Variants in MTCL1 observed in about 807,000 individuals in gnomAD.
MTCL1 encodes the protein microtubule cross-linking factor 1.
Under a neutral mutation model 141.4 loss-of-function variants are expected in MTCL1, and 79 were observed. That is an observed-to-expected ratio of 0.56 (90% CI 0.47 to 0.67). The LOEUF (loss-of-function observed/expected upper bound fraction) is 0.67. Ranked by LOEUF, MTCL1 falls within the 30% of genes least tolerant of loss-of-function variation. MTCL1 has a pLI of 0.00. For missense variants in MTCL1, 2,177 were observed against 2,113.9 expected (o/e 1.03, Z -0.59); for synonymous variants, 914 against 875.8 (o/e 1.04, Z -0.77).
intron 4 of MTCL1, among the ~76,000 whole-genome samples, chr18:8,758,701 G>T (rs769829069): frequency 6.6e-6 from 1 of 152,126 alleles, no homozygotes; most frequent in Non-Finnish European, 1.5e-5. Flanking sequence ...ATATTTGGGC[G>T]CTTTCTCATC....
intron 12 of MTCL1, among the ~76,000 whole-genome samples, chr18:8,816,518 G>A (rs1306270839): frequency 1.3e-5 from 2 of 152,132 alleles, no homozygotes; most frequent in East Asian, 3.9e-4. Context: ...TGCGGGGTGG[G>A]GGTAGGAGAC....
At chr18:8,705,603 CCGCCGCCGT>C (rs1567913360), upstream of MTCL1, 2 of 1,206,574 alleles carry the variant, frequency 1.7e-6, no homozygotes, top group African/African-American at 1.6e-5. The surrounding 1 kb of genome is among the most constrained non-coding windows in gnomAD (Gnocchi z 5.2). Context: ...GCCGCCGCCG[CCGCCGCCGT>C]CGTCGTCCGG....
chr18:8,742,516 C>T (rs1254000048), intron 4 of MTCL1, among the ~76,000 whole-genome samples: 1 of 152,108 alleles, frequency 6.6e-6, no homozygotes, highest in Non-Finnish European at 1.5e-5. Context: ...AGGGGGAAGC[C>T]CCTTATAAAA....
intron 9 of MTCL1, 134 bp downstream of exon 8, chr18:8,796,596 T>C: frequency 2.1e-6 from 2 of 936,956 alleles, no homozygotes; most frequent in South Asian, 3.5e-5. Flanking sequence ...ACATCTAATA[T>C]TGCAAAAAAG....
Position 8,810,212 on chromosome 18 carries a change from A to C in MTCL1, c.2605-2767A>C, listed in dbSNP as rs1293830487. 6.5e-6 allele frequency: 1 copy of C among 152,992 alleles called. No homozygotes were observed. Among genetic ancestry groups the C allele is most frequent in the Non-Finnish European group, 1.5e-5 (1 of 68,612 alleles). The allele number at this position is 152,992 out of a possible 1,614,324, so 9.5% of individuals were successfully genotyped here. Reference sequence around the variant, plus strand: ...AGTTGCCGTCAGGTGTGCGGGGCTGAAGGACTGTGCGCTGTGCCGAGGGAC... The same window carrying C: ...AGTTGCCGTCAGGTGTGCGGGGCTGCAGGACTGTGCGCTGTGCCGAGGGAC... On this transcript the variant is annotated intron_variant, in intron 11 of 16. Coordinates refer to ENST00000359865, the Ensembl canonical transcript of MTCL1. This position sits in a 1 kb window ranked among gnomAD's most constrained non-coding sequence, Gnocchi z 5.0.
At chr18:8,805,263 C>T (rs1386610780) in intron 10 of MTCL1, among the ~76,000 whole-genome samples, 1 of 152,112 alleles carries the variant, frequency 6.6e-6, no homozygotes, top group African/African-American at 2.4e-5. Context: ...CCCCTCTCCT[C>T]GCAACCCCTT....
chr18:8,766,290 G>A (rs980224343), intron 4 of MTCL1, among the ~76,000 whole-genome samples: 1 of 147,038 alleles, frequency 6.8e-6, no homozygotes, highest in Non-Finnish European at 1.5e-5. Flanking sequence ...TGTAGCGCCT[G>A]TTGTGTGAGC....
chr18:8,788,813 A>G (rs1043193246), intron 7 of MTCL1, among the ~76,000 whole-genome samples: 6 of 152,204 alleles, frequency 3.9e-5, no homozygotes, highest in African/African-American at 4.8e-5. Flanking sequence ...TGACACATCA[A>G]TGCAACCACG....
intron 4 of MTCL1, among the ~76,000 whole-genome samples, chr18:8,752,783 C>T (rs544092248): frequency 5.3e-5 from 8 of 152,268 alleles, no homozygotes; most frequent in African/African-American, 1.9e-4. Flanking sequence ...TTGCTGGGTG[C>T]GTAGGCTATT....
intron 15 of MTCL1, 115 bp downstream of exon 14, chr18:8,826,347 T>A (rs1415492439): frequency 1.9e-6 from 2 of 1,058,090 alleles, no homozygotes; most frequent in Non-Finnish European, 2.7e-6. Flanking sequence ...CGTCCATGAT[T>A]GGTTATTGGG....
intron 6 of MTCL1, chr18:8,785,667 C>T (rs1053370595): frequency 2.1e-6 from 1 of 467,578 alleles, no homozygotes; most frequent in Non-Finnish European, 3.8e-6. Context: ...TTTGCACCCC[C>T]ACTTTCTCTT....
rs57595836 is a variant in MTCL1 at position 8,750,594 on chromosome 18, G to A, written c.358-27239G>A. On this transcript the variant is annotated intron_variant, in intron 4 of 16. Coordinates refer to ENST00000359865, the Ensembl canonical transcript of MTCL1. ...CTAATCAGATGGAGGGCAGGGAGGA[G>A]GTGTTGAATGCTACCAGTTCTTCCT... 3.9e-3 allele frequency among the ~76,000 whole-genome samples: 588 copies of A among 152,302 alleles called. 3 individuals carry two copies. The highest frequency in any genetic ancestry group is 0.013 in the African/African-American group (556 of 41,566).
chr18:8,799,286 G>A (rs2076035585), intron 10 of MTCL1, among the ~76,000 whole-genome samples: 1 of 152,242 alleles, frequency 6.6e-6, no homozygotes, highest in South Asian at 2.1e-4. Context: ...AGATCCAGAT[G>A]AGGACAGGCG....
chr18:8,785,169 G>A (rs117068122), intron 6 of MTCL1, among the ~76,000 whole-genome samples: 4,818 of 152,200 alleles, frequency 0.032, 101 homozygotes, highest in Admixed American at 0.069. Context: ...GACGCATGCC[G>A]GCCTTGCTCC....
chr18:8,799,637 TA>T (rs1251315580), intron 10 of MTCL1, among the ~76,000 whole-genome samples: 1 of 152,196 alleles, frequency 6.6e-6, no homozygotes, highest in Non-Finnish European at 1.5e-5. Flanking sequence ...TTCAATCCCA[TA>T]AAGCATCTGT....
chr18:8,797,386 C>A (rs621273), intron 9 of MTCL1, among the ~76,000 whole-genome samples: 113,762 of 152,138 alleles, frequency 0.75, 43,219 homozygotes, highest in Admixed American at 0.85. Context: ...GAAACAGAAG[C>A]GAGATCTTTG....
exon 13 of MTCL1, chr18:8,819,170 C>T (rs1285703238): frequency 6.2e-7 from 1 of 1,614,116 alleles, no homozygotes; most frequent in African/African-American, 1.3e-5. Context: ...CAGTGAGAAT[C>T]TCTACCTGGA....
rs575692224 is a variant in MTCL1 at position 8,826,595 on chromosome 18, G to T, written c.4722+363G>T. ...CATGTACAAACTATGGGATAGTTGT[G>T]TCAGGCTTGCTGCATACTGCAGACC... On this transcript the variant is annotated intron_variant, in intron 15 of 16. Coordinates refer to ENST00000359865, the Ensembl canonical transcript of MTCL1. Among the ~76,000 whole-genome samples the T allele has an allele frequency of 4.6e-5, 7 of 152,310 alleles. No homozygotes were observed. In the South Asian group the frequency reaches 1.2e-3, roughly 27 times the overall value.
At position 8,725,783 on chromosome 18, in the gene MTCL1, TTTTTTTC is replaced by T. The variant is rs1452549586; in HGVS notation, c.357+5294_357+5300del. Among the ~76,000 whole-genome samples the T allele has an allele frequency of 1.9e-3, 72 of 37,838 alleles. 4 individuals carry two copies. The highest frequency in any genetic ancestry group is 0.011 in the African/African-American group (58 of 5,392). 24.8% of individuals were successfully genotyped at this position (37,838 alleles called of 152,430 possible). On this transcript the variant is annotated intron_variant, in intron 4 of 16. Transcript: ENST00000359865. ...GTATTTTGGTGCCATTTTCTTTTTT[TTTTTTTC>T]TTTTTTTTTTTTTTTTTGAGATGGA... is the stretch of plus-strand genomic sequence containing the variant.
Sources: gnomAD v4.1 joint callset for allele counts (sites outside exome capture counted in the v4.1 genomes callset) on GRCh38, gnomAD v4.1.1 for gene constraint, Gnocchi (gnomAD v3.1) non-coding constraint, MANE v1.5 for transcripts, NCBI Gene and HGNC (gene_info 2026-07-23, HGNC 2026-07-21) for gene names.